Variants in SPATS2 observed in about 807,000 individuals in gnomAD.
SPATS2 encodes the protein spermatogenesis-associated serine-rich protein 2.
A neutral mutation model predicts 63.7 loss-of-function variants in SPATS2; 38 were observed. The observed-to-expected ratio is 0.60, with a 90% CI of 0.46 to 0.78. The LOEUF (loss-of-function observed/expected upper bound fraction) is 0.78, where lower values mean the gene tolerates loss of function less well. Among genes scored for constraint, SPATS2 ranks in the 30% least tolerant of loss-of-function variants. SPATS2 has a pLI of 0.00. For missense variants in SPATS2, 588 were observed against 666.2 expected (o/e 0.88, Z 1.29); for synonymous variants, 207 against 232.9 (o/e 0.89, Z 1.01).
intron 2 of SPATS2, among the ~76,000 whole-genome samples, chr12:49,428,273 CAAA>C (rs35741319): frequency 1.4e-5 from 2 of 138,656 alleles, no homozygotes; most frequent in African/African-American, 5.2e-5. Context: ...AACAAACAAA[CAAA>C]AAAAAAAAAC....
Position 49,526,225 on chromosome 12 carries a change from G to A in SPATS2, c.1608G>A (p.Arg536=). ...FKKGLPQRKP[R]TSQTEAVNS ...AGGGGCTCCCCCAGCGCAAACCCAG[G>A]ACCTCTCAGACTGAAGCCGTGAACT... The change falls in exon 14 of 14, where the codon AGG becomes AGA. Residue 536 remains arginine (R), a synonymous_variant. Coordinates refer to ENST00000552918, the MANE Select transcript of SPATS2 (RefSeq NM_023071.4). The A allele has an allele frequency of 1.9e-6, 3 of 1,613,162 alleles. No individual in the cohort carries two copies. The highest frequency in any genetic ancestry group is 2.5e-6 in the Non-Finnish European group (3 of 1,179,622).
At position 49,498,132 on chromosome 12, in the gene SPATS2, C is replaced by CAAA. The variant is rs71439501; in HGVS notation, c.703+1135_703+1137dup. ...CAGGTTTGAGACTATCCAATCAAGC[C>CAAA]AAAAAAAAAAAAAATATATATATAT... On this transcript the variant is annotated intron_variant, in intron 8 of 13. Coordinates refer to ENST00000552918, the MANE Select transcript of SPATS2 (RefSeq NM_023071.4). Among the ~76,000 whole-genome samples the CAAA allele has an allele frequency of 6.0e-4, 70 of 117,292 alleles. 2 individuals are homozygous for CAAA. The highest frequency in any genetic ancestry group is 2.5e-3 in the African/African-American group (63 of 25,372). 76.9% of individuals were successfully genotyped at this position (117,292 alleles called of 152,430 possible). A position where few individuals can be genotyped will look rare whatever the true frequency, so the allele number is the denominator to read the frequency against.
intron 2 of SPATS2, among the ~76,000 whole-genome samples, chr12:49,453,654 A>G (rs1945664640): frequency 6.6e-6 from 1 of 151,984 alleles, no homozygotes; most frequent in South Asian, 2.1e-4. Flanking sequence ...TCTGCAAAAA[A>G]TAAAAGAAGT....
intron 2 of SPATS2, among the ~76,000 whole-genome samples, chr12:49,400,948 T>G (rs1944594500): frequency 6.6e-6 from 1 of 152,202 alleles, no homozygotes; most frequent in Non-Finnish European, 1.5e-5. Flanking sequence ...CATAGCTCAC[T>G]GCATCCTTCA....
intron 3 of SPATS2, among the ~76,000 whole-genome samples, chr12:49,470,522 T>C (rs941613336): frequency 6.6e-6 from 1 of 152,342 alleles, no homozygotes; most frequent in East Asian, 1.9e-4. Flanking sequence ...TTTGTGGTTT[T>C]GGTACAAATT....
intron 2 of SPATS2, among the ~76,000 whole-genome samples, chr12:49,393,076 C>G (rs1258121740): frequency 6.6e-6 from 1 of 152,216 alleles, no homozygotes; most frequent in East Asian, 1.9e-4. Flanking sequence ...ATAGAAACAT[C>G]TGTGTACTCA....
At chr12:49,431,543 G>C (rs376973566) in intron 2 of SPATS2, among the ~76,000 whole-genome samples, 1 of 152,098 alleles carries the variant, frequency 6.6e-6, no homozygotes, top group African/African-American at 2.4e-5. Context: ...CCACCGCACC[G>C]GGCCCAAAGA....
chr12:49,461,935 A>G lies in SPATS2; in HGVS notation c.25+898A>G, dbSNP rs372065086. Among the ~76,000 whole-genome samples, 72 of 152,308 alleles carry G rather than the reference A, an allele frequency of 4.7e-4. No homozygotes were observed. The South Asian group carries it at 0.012, about 26-fold the overall frequency. ...GTGGAATGAAATTTACCAACGGAAA[A>G]GTTTTTTTTAATAACCCAAGTTTGT... On this transcript the variant is annotated intron_variant, in intron 3 of 13. Transcript: ENST00000552918.
intron 3 of SPATS2, among the ~76,000 whole-genome samples, chr12:49,469,733 T>C (rs915014117): frequency 2.0e-5 from 3 of 150,608 alleles, no homozygotes; most frequent in African/African-American, 7.3e-5. Flanking sequence ...TCTGTTAAAA[T>C]ACAAATTAGC....
chr12:49,441,837 A>G (rs1324882023), intron 2 of SPATS2: 2 of 152,174 alleles, frequency 1.3e-5, no homozygotes, highest in African/African-American at 4.8e-5. Flanking sequence ...CCAATTCACA[A>G]CTTAATATCA....
chr12:49,473,146 G>A (rs940655217), intron 3 of SPATS2, among the ~76,000 whole-genome samples: 1 of 152,044 alleles, frequency 6.6e-6, no homozygotes, highest in Non-Finnish European at 1.5e-5. Flanking sequence ...TGGGCATGGT[G>A]GCTCATGCCT....
At chr12:49,520,435 C>T (rs1946921720) in intron 11 of SPATS2, among the ~76,000 whole-genome samples, 1 of 151,924 alleles carries the variant, frequency 6.6e-6, no homozygotes, top group Non-Finnish European at 1.5e-5. Context: ...CACCCTTGAC[C>T]TCCTCATCCT....
chr12:49,453,155 C>A (rs1363883842), intron 2 of SPATS2, among the ~76,000 whole-genome samples: 1 of 133,070 alleles, frequency 7.5e-6, no homozygotes. Flanking sequence ...AGCGAGACTC[C>A]GTCTCAAAAA....
chr12:49,409,664 G>A (rs181846075), intron 2 of SPATS2, among the ~76,000 whole-genome samples: 8 of 135,686 alleles, frequency 5.9e-5, no homozygotes, highest in African/African-American at 1.4e-4. Flanking sequence ...GTGCTGTGGC[G>A]CAATGTCAGC....
At chr12:49,445,119 A>G (rs1296954350) in intron 2 of SPATS2, among the ~76,000 whole-genome samples, 1 of 152,036 alleles carries the variant, frequency 6.6e-6, no homozygotes, top group East Asian at 1.9e-4. Flanking sequence ...TCCTTATTGC[A>G]CTGACAAGAT....
intron 2 of SPATS2, among the ~76,000 whole-genome samples, chr12:49,378,895 GATTTT>G (rs1196880791): frequency 6.6e-6 from 1 of 151,042 alleles, no homozygotes; most frequent in Non-Finnish European, 1.5e-5. Context: ...GTGCCCATCA[GATTTT>G]ATTTTATTAT....
Position 49,526,474 on chromosome 12 carries a change from T to G in SPATS2, c.*219T>G. The stretch of plus-strand genomic sequence containing the variant: ...CTTGATCTTTCCCAGTGATATGGAT[T>G]GAATCTGGTTGGTCATTTCCACCAG... On this transcript the variant is annotated 3_prime_UTR_variant, in exon 14 of 14. Transcript: ENST00000552918. 1 of 592,088 alleles carries G rather than the reference T, an allele frequency of 1.7e-6. No individual in the cohort carries two copies. Among genetic ancestry groups the G allele is most frequent in the Non-Finnish European group, 2.8e-6 (1 of 354,578 alleles). 36.7% of individuals were successfully genotyped at this position (592,088 alleles called of 1,614,324 possible).
intron 8 of SPATS2, 95 bp from the exon 9 acceptor site, chr12:49,499,975 A>T: frequency 1.0e-6 from 1 of 968,424 alleles, no homozygotes. Context: ...TTCTTAGTCT[A>T]CATGACATTT....
rs1307664971 is a variant in SPATS2, at chr12:49,461,054, G to A, written c.25+17G>A. On this transcript the variant is annotated intron_variant, in intron 3 of 13. Transcript: ENST00000552918. ...ACCAGAAGGGTAAGATTACATGTGGGCATAAATTGTTAAAAGCATAGTTAT... is the reference window on the plus strand; with the variant it reads ...ACCAGAAGGGTAAGATTACATGTGGACATAAATTGTTAAAAGCATAGTTAT... 6.2e-7 allele frequency: 1 copy of A among 1,612,850 alleles called. No individual in the cohort carries two copies. The highest frequency in any genetic ancestry group is 1.3e-5 in the African/African-American group (1 of 74,874).
Sources: allele counts gnomAD v4.1 joint callset (sites outside exome capture counted in the v4.1 genomes callset), GRCh38; gene constraint gnomAD v4.1.1; transcripts MANE v1.5; gene names NCBI Gene and HGNC (gene_info 2026-07-23, HGNC 2026-07-21).